The following CTIF variants were observed in gnomAD, a reference collection of about 807,000 sequenced individuals.
CTIF encodes CBP80/20-dependent translation initiation factor.
A neutral mutation model predicts 66.0 loss-of-function variants in CTIF; 21 were observed. That is an observed-to-expected ratio of 0.32 (90% CI 0.23 to 0.46). The LOEUF is 0.46. CTIF is among the 20% of genes least tolerant of loss of function. The probability of loss-of-function intolerance (pLI) is 1.00; values close to 1 mark genes in which losing one functional copy is unlikely to be tolerated. For synonymous variants in CTIF, 345 were observed against 326.4 expected (o/e 1.06, Z -0.62); for missense variants, 739 against 812.7 (o/e 0.91, Z 1.10).
rs185382282 is a variant in CTIF, at chr18:48,841,285, C to T, written c.1528-16303C>T. Among the ~76,000 whole-genome samples, 542 of 152,290 alleles carry T rather than the reference C, an allele frequency of 3.6e-3. 3 individuals are homozygous for T. The highest frequency in any genetic ancestry group is 0.012 in the African/African-American group (512 of 41,562). ...AAGCAGGGGCCAGTGGCTGGAGCGG[C>T]CCCTGGGCTCTGGGCATGGGGAGGC... On this transcript the variant is annotated intron_variant, in intron 10 of 11. Coordinates refer to ENST00000256413, the MANE Select transcript of CTIF (RefSeq NM_014772.3).
chr18:48,597,564 G>A (rs1473515444), intron 1 of CTIF, among the ~76,000 whole-genome samples: 12 of 97,942 alleles, frequency 1.2e-4, no homozygotes, highest in African/African-American at 3.8e-4. Context: ...CCCTCCCCCC[G>A]CCCCACCCCT....
intron 7 of CTIF, among the ~76,000 whole-genome samples, chr18:48,713,440 A>G (rs543517230): frequency 2.2e-4 from 34 of 152,276 alleles, no homozygotes; most frequent in African/African-American, 8.2e-4. Flanking sequence ...GGACAGTGGC[A>G]GGCCTCCGGA....
intron 2 of CTIF, chr18:48,621,446 G>A: frequency 3.7e-6 from 1 of 273,720 alleles, no homozygotes; most frequent in South Asian, 3.0e-5. Flanking sequence ...ATGAGTCAGA[G>A]GGATGATGAG....
chr18:48,596,002 T>C (rs903676158), intron 1 of CTIF, among the ~76,000 whole-genome samples: 7 of 152,158 alleles, frequency 4.6e-5, no homozygotes, highest in Non-Finnish European at 1.0e-4. Flanking sequence ...TCATGGTCTT[T>C]TGTAACTGAA....
intron 1 of CTIF, among the ~76,000 whole-genome samples, chr18:48,603,935 G>A (rs959606242): frequency 7.4e-5 from 11 of 147,966 alleles, no homozygotes; most frequent in South Asian, 2.1e-4. Context: ...TGCAACCTCC[G>A]CCTCCCAGAT....
chr18:48,565,732 C>T (rs1159423782), intron 1 of CTIF: 2 of 152,282 alleles, frequency 1.3e-5, no homozygotes, highest in African/African-American at 4.8e-5. Context: ...TGCAAGCTCT[C>T]AGGAGGGTAG....
intron 1 of CTIF, among the ~76,000 whole-genome samples, chr18:48,572,094 C>T (rs570851162): frequency 5.9e-5 from 9 of 151,998 alleles, no homozygotes; most frequent in African/African-American, 1.9e-4. Context: ...TCCTCCTCCT[C>T]CTTCTCCTCC....
chr18:48,619,565 G>A lies in CTIF; in HGVS notation c.-1G>A, dbSNP rs1431969997. 1 of 1,550,016 alleles carries A rather than the reference G, an allele frequency of 6.5e-7. No individual in the cohort carries two copies. Among genetic ancestry groups the A allele is most frequent in the Non-Finnish European group, 8.7e-7 (1 of 1,147,502 alleles). ...CCGGCCCAGGCCCCTGAGCTGGAGG[G>A]ATGGAAAACTCCTCTGCAGCATCAG... On this transcript the variant is annotated 5_prime_UTR_variant, in exon 2 of 12. Coordinates refer to ENST00000256413, the MANE Select transcript of CTIF (RefSeq NM_014772.3).
At chr18:48,817,447 T>TGTGAGGGTAGGCTCAC in intron 10 of CTIF, 71 bp downstream of exon 10, 1 of 1,525,282 alleles carries the variant, frequency 6.6e-7, no homozygotes, top group Non-Finnish European at 8.8e-7. Context: ...CTCAGATAAC[T>TGTGAGGGTAGGCTCAC]GGGACAAAGC....
At chr18:48,635,021 G>A (rs2090787540) in intron 2 of CTIF, among the ~76,000 whole-genome samples, 1 of 152,068 alleles carries the variant, frequency 6.6e-6, no homozygotes, top group Admixed American at 6.5e-5. Context: ...TTAAAAATTT[G>A]GCTACTAGAA....
intron 2 of CTIF, among the ~76,000 whole-genome samples, chr18:48,631,222 G>A (rs1165906704): frequency 6.6e-6 from 1 of 152,146 alleles, no homozygotes; most frequent in Non-Finnish European, 1.5e-5. Flanking sequence ...CCTAGCACTT[G>A]GGAGGCCAAG....
intron 9 of CTIF, among the ~76,000 whole-genome samples, chr18:48,796,939 T>C (rs552932673): frequency 1.1e-4 from 16 of 152,306 alleles, no homozygotes; most frequent in Middle Eastern, 3.4e-3. Context: ...TCAGGTCTTT[T>C]TTCTGACAGC....
chr18:48,632,829 C>A (rs1032643089), intron 2 of CTIF, among the ~76,000 whole-genome samples: 2 of 152,096 alleles, frequency 1.3e-5, no homozygotes, highest in Non-Finnish European at 2.9e-5. Context: ...GACATGTCAT[C>A]TGACCTCTCC....
intron 9 of CTIF, among the ~76,000 whole-genome samples, chr18:48,807,123 C>G (rs1246583777): frequency 3.9e-5 from 6 of 152,022 alleles, no homozygotes; most frequent in Non-Finnish European, 7.3e-5. Flanking sequence ...GAAAAGCTGG[C>G]AACCTATAAC....
chr18:48,645,385 G>A (rs1460628270), intron 3 of CTIF, among the ~76,000 whole-genome samples: 1 of 151,678 alleles, frequency 6.6e-6, no homozygotes, highest in Non-Finnish European at 1.5e-5. Context: ...AAAAGATCTA[G>A]CAAAACAAAA....
intron 9 of CTIF, among the ~76,000 whole-genome samples, chr18:48,807,246 A>G (rs2068165902): frequency 6.6e-6 from 1 of 152,208 alleles, no homozygotes; most frequent in African/African-American, 2.4e-5. Context: ...GCAGATTACC[A>G]GAAGAATTCC....
chr18:48,787,369 G>T (rs1468300748), intron 9 of CTIF, among the ~76,000 whole-genome samples: 3 of 152,054 alleles, frequency 2.0e-5, no homozygotes, highest in African/African-American at 7.3e-5. Flanking sequence ...GAAGGAAGGA[G>T]GGCAGGAGGA....
chr18:48,609,306 G>C (rs763152985), intron 1 of CTIF, among the ~76,000 whole-genome samples: 12 of 152,296 alleles, frequency 7.9e-5, no homozygotes, highest in Middle Eastern at 3.4e-3. Flanking sequence ...GTCAAGGAGG[G>C]CTTCAGGGAG....
At chr18:48,758,925 A>G (rs948354010) in intron 8 of CTIF, among the ~76,000 whole-genome samples, 4 of 152,172 alleles carry the variant, frequency 2.6e-5, no homozygotes, top group African/African-American at 9.7e-5. Flanking sequence ...TCCCGCCTTC[A>G]TCACCCAGAG....
Sources: allele counts gnomAD v4.1 joint callset (sites outside exome capture counted in the v4.1 genomes callset), GRCh38; gene constraint gnomAD v4.1.1; transcripts MANE v1.5; gene names NCBI Gene and HGNC (gene_info 2026-07-23, HGNC 2026-07-21).